The following FER variants were observed in gnomAD, a reference collection of about 807,000 sequenced individuals.
FER encodes the protein tyrosine-protein kinase Fer.
Under a neutral mutation model 111.0 loss-of-function variants are expected in FER, and 63 were observed. That is an observed-to-expected ratio of 0.57 (90% confidence interval 0.46 to 0.70). FER has a LOEUF of 0.70. Ranked by LOEUF, FER falls within the 30% of genes least tolerant of loss-of-function variation. FER has a pLI of 0.00. For missense variants in FER, 914 were observed against 954.0 expected (o/e 0.96, Z 0.55); for synonymous variants, 327 against 313.9 (o/e 1.04, Z -0.44).
At chr5:108,902,448 T>C (rs1750173307) in intron 10 of FER, among the ~76,000 whole-genome samples, 1 of 152,182 alleles carries the variant, frequency 6.6e-6, no homozygotes. Flanking sequence ...GAGAAGTGAG[T>C]TGCAGAATTT....
At chr5:109,054,635 A>G (rs1384115731) in intron 16 of FER, among the ~76,000 whole-genome samples, 1 of 152,060 alleles carries the variant, frequency 6.6e-6, no homozygotes, top group Non-Finnish European at 1.5e-5. Flanking sequence ...TATGGATCAT[A>G]CTTTTTTGAT....
chr5:108,763,516 A>G (rs184496876), intron 1 of FER, among the ~76,000 whole-genome samples: 112 of 152,306 alleles, frequency 7.4e-4, no homozygotes, highest in African/African-American at 2.6e-3. Context: ...AGAGCGAGAG[A>G]GAGATTACTT....
intron 13 of FER, among the ~76,000 whole-genome samples, chr5:108,965,956 A>C (rs1008879648): frequency 1.3e-4 from 20 of 152,138 alleles, no homozygotes; most frequent in Admixed American, 7.9e-4. Context: ...ATATAAAAGA[A>C]CCCTACCATG....
At chr5:108,750,866 G>T (rs114877646) in intron 1 of FER, among the ~76,000 whole-genome samples, 2 of 152,278 alleles carry the variant, frequency 1.3e-5, no homozygotes, top group Non-Finnish European at 1.5e-5. Context: ...AAACATTAAG[G>T]AATAGAGGAA....
At chr5:109,167,276 C>T (rs1205719877) in intron 17 of FER, among the ~76,000 whole-genome samples, 1 of 152,086 alleles carries the variant, frequency 6.6e-6, no homozygotes, top group Non-Finnish European at 1.5e-5. Context: ...ATAAGATTAA[C>T]AGAAATGGTA....
chr5:109,088,303 C>A (rs554006187), intron 16 of FER, among the ~76,000 whole-genome samples: 1 of 152,138 alleles, frequency 6.6e-6, no homozygotes, highest in East Asian at 1.9e-4. Context: ...AGTTGCTAAT[C>A]TAATTTTCTT....
intron 3 of FER, 66 bp from the exon 4 acceptor site, chr5:108,832,704 T>C (rs947730300): frequency 1.7e-6 from 2 of 1,192,802 alleles, no homozygotes; most frequent in Non-Finnish European, 2.2e-6. Flanking sequence ...AGTTTTGAAC[T>C]CTTAAAGCAC....
In FER at chr5:108,893,985, T is replaced by TC. The variant is rs1421390971; in HGVS notation, c.1047-3670dup. 4.7e-5 allele frequency among the ~76,000 whole-genome samples: 7 copies of TC among 150,402 alleles called. No homozygotes were observed. In the South Asian group the frequency reaches 8.4e-4, roughly 18 times the overall value. Reference sequence around the variant, plus strand: ...GGAAAGAGGTTTTTTTTTTTTTTTTTCCCCTGCATCATAAATTTTATTCCT... The same window carrying TC: ...GGAAAGAGGTTTTTTTTTTTTTTTTTCCCCCTGCATCATAAATTTTATTCCT... On this transcript the variant is annotated intron_variant, in intron 9 of 19. Coordinates refer to ENST00000281092, the MANE Select transcript of FER (RefSeq NM_005246.4).
Position 109,087,262 on chromosome 5 carries a change from T to C in FER, c.1925-13134T>C, listed in dbSNP as rs145511618. On this transcript the variant is annotated intron_variant, in intron 16 of 19. Coordinates refer to ENST00000281092, the MANE Select transcript of FER (RefSeq NM_005246.4). ...TATGTTCTGTATGACTTTTATTCTT[T>C]AAAATTTATTCAGACTTGTTTAATT... 4.7e-3 allele frequency among the ~76,000 whole-genome samples: 712 copies of C among 151,958 alleles called. 6 individuals are homozygous for C. The highest frequency in any genetic ancestry group is 0.016 in the African/African-American group (679 of 41,520).
intron 10 of FER, among the ~76,000 whole-genome samples, chr5:108,941,698 C>G (rs1756294141): frequency 6.6e-6 from 1 of 152,102 alleles, no homozygotes; most frequent in Non-Finnish European, 1.5e-5. Flanking sequence ...TGAGCAAAGT[C>G]AATCAGCTCT....
chr5:109,032,782 A>G lies in FER; in HGVS notation c.1657-4640A>G, dbSNP rs1157999703. ...TATCTTACAGTGATTACCAAAGTGC[A>G]TAATTTATATCTCCAGAATCTCTCT... On this transcript the variant is annotated intron_variant, in intron 13 of 19. Coordinates refer to ENST00000281092, the MANE Select transcript of FER (RefSeq NM_005246.4). Among the ~76,000 whole-genome samples the G allele has an allele frequency of 5.9e-5, 9 of 152,360 alleles. No individual in the cohort carries two copies. In the East Asian group the frequency reaches 1.2e-3, roughly 20 times the overall value.
At chr5:109,021,561 AT>A (rs1767927106) in intron 13 of FER, among the ~76,000 whole-genome samples, 3 of 151,958 alleles carry the variant, frequency 2.0e-5, no homozygotes, top group African/African-American at 4.8e-5. Flanking sequence ...TTCTTCACCA[AT>A]TTTTTCTTAG....
chr5:109,081,936 C>A (rs1217675762), intron 16 of FER, among the ~76,000 whole-genome samples: 1 of 151,952 alleles, frequency 6.6e-6, no homozygotes, highest in Non-Finnish European at 1.5e-5. Context: ...TTCTCTGGAT[C>A]CCTCTCCTAC....
chr5:109,065,510 T>A (rs550500510), intron 16 of FER, among the ~76,000 whole-genome samples: 2 of 152,300 alleles, frequency 1.3e-5, no homozygotes, highest in East Asian at 1.9e-4. Flanking sequence ...ATACAAAGTA[T>A]CTGGACTCTT....
At chr5:109,169,333 A>C (rs1756871290) in intron 17 of FER, among the ~76,000 whole-genome samples, 1 of 152,214 alleles carries the variant, frequency 6.6e-6, no homozygotes, top group Non-Finnish European at 1.5e-5. Context: ...GACAGAAAAG[A>C]AATTGAATTT....
At chr5:108,820,019 C>T (rs901929814) in intron 3 of FER, 1 of 985,042 alleles carries the variant, frequency 1.0e-6, no homozygotes, top group African/African-American at 1.7e-5. Context: ...AACAGAACGG[C>T]TTGTCTAGGA....
At chr5:108,773,817 G>T (rs1184037286) in intron 2 of FER, among the ~76,000 whole-genome samples, 1 of 152,122 alleles carries the variant, frequency 6.6e-6, no homozygotes, top group Non-Finnish European at 1.5e-5. Context: ...CACCAACAGT[G>T]TAAATGCATT....
intron 3 of FER, among the ~76,000 whole-genome samples, chr5:108,798,963 C>T (rs1756345325): frequency 6.6e-6 from 1 of 152,140 alleles, no homozygotes; most frequent in Non-Finnish European, 1.5e-5. Flanking sequence ...TTTATTAACT[C>T]TTCTGGCTTT....
chr5:108,841,618 A>G (rs1761278958), intron 5 of FER, among the ~76,000 whole-genome samples: 1 of 152,178 alleles, frequency 6.6e-6, no homozygotes. Flanking sequence ...TTCATGGGAA[A>G]TAATTCTAAT....
Sources: gnomAD v4.1 joint callset for allele counts (sites outside exome capture counted in the v4.1 genomes callset) on GRCh38, gnomAD v4.1.1 for gene constraint, MANE v1.5 for transcripts, NCBI Gene and HGNC (gene_info 2026-07-23, HGNC 2026-07-21) for gene names.